The following KLC1 variants were observed in gnomAD, a reference collection of about 807,000 sequenced individuals.
KLC1 encodes kinesin light chain 1.
Under a neutral mutation model 84.2 loss-of-function variants are expected in KLC1, and 30 were observed. The observed-to-expected ratio is 0.36, with a 90% CI of 0.27 to 0.48. The LOEUF is 0.48. KLC1 is among the 20% of genes least tolerant of loss of function. The pLI is 0.99. For synonymous variants in KLC1, 289 were observed against 293.3 expected, an observed-to-expected ratio of 0.99 and a Z score of 0.15; for missense variants, 499 against 805.4, an observed-to-expected ratio of 0.62 and a Z score of 4.60.
chr14:103,634,544 A>G (rs2076914458), intron 1 of KLC1, among the ~76,000 whole-genome samples: 1 of 152,136 alleles, frequency 6.6e-6, no homozygotes, highest in East Asian at 1.9e-4. Context: ...AGACTGCATC[A>G]TATCGTTGAG....
chr14:103,637,478 C>T (rs186721012), intron 1 of KLC1, among the ~76,000 whole-genome samples: 9 of 151,290 alleles, frequency 5.9e-5, no homozygotes, highest in African/African-American at 9.7e-5. Context: ...TGCAGTGAGT[C>T]GAGATTGCGA....
At chr14:103,680,630 C>A (rs928833471) in intron 13 of KLC1, among the ~76,000 whole-genome samples, 1 of 152,224 alleles carries the variant, frequency 6.6e-6, no homozygotes, top group Non-Finnish European at 1.5e-5. Flanking sequence ...TGTGCCAAGA[C>A]AACCAATCAG....
intron 15 of KLC1, chr14:103,699,008 G>A (rs547969139): frequency 3.3e-5 from 53 of 1,588,334 alleles, no homozygotes; most frequent in African/African-American, 9.4e-5. Flanking sequence ...AAACACGTTC[G>A]TCCCAGAACC....
At chr14:103,651,552 G>A (rs1250079155) in intron 1 of KLC1, among the ~76,000 whole-genome samples, 1 of 152,160 alleles carries the variant, frequency 6.6e-6, no homozygotes, top group African/African-American at 2.4e-5. Context: ...AATGGTGAGA[G>A]GTATCGAGTC....
intron 5 of KLC1, 100 bp from the exon 6 acceptor site, chr14:103,669,402 CCAACCTGTG>C (rs2080186259): frequency 1.5e-6 from 1 of 652,980 alleles, no homozygotes; most frequent in Non-Finnish European, 2.6e-6. Context: ...CCACTGCACT[CCAACCTGTG>C]CAACAGAGTC....
intron 1 of KLC1, among the ~76,000 whole-genome samples, chr14:103,647,434 T>G (rs917124105): frequency 2.0e-5 from 3 of 152,044 alleles, no homozygotes; most frequent in African/African-American, 7.2e-5. Context: ...TTTGCCATGT[T>G]GACCAGGCTG....
intron 11 of KLC1, among the ~76,000 whole-genome samples, chr14:103,676,844 G>A (rs2080929708): frequency 6.6e-6 from 1 of 152,124 alleles, no homozygotes; most frequent in South Asian, 2.1e-4. Flanking sequence ...CAAGCTCAAT[G>A]ATACAGTTTG....
chr14:103,696,535 A>T, intron 15 of KLC1: 2 of 985,500 alleles, frequency 2.0e-6, no homozygotes, highest in Non-Finnish European at 2.4e-6. Flanking sequence ...GGAGGATGTC[A>T]TTAGCTTCTG....
intron 1 of KLC1, among the ~76,000 whole-genome samples, chr14:103,633,941 T>G (rs1218834941): frequency 6.6e-6 from 1 of 152,210 alleles, no homozygotes; most frequent in African/African-American, 2.4e-5. Flanking sequence ...TGATCTCAGC[T>G]CACTGCATCC....
At chr14:103,666,673 C>T (rs2151626268) in intron 5 of KLC1, among the ~76,000 whole-genome samples, 1 of 151,062 alleles carries the variant, frequency 6.6e-6, no homozygotes, top group South Asian at 2.1e-4. Flanking sequence ...TCTCAGCTCA[C>T]TGCAACCTCT....
chr14:103,630,206 A>G (rs540947211), intron 1 of KLC1, among the ~76,000 whole-genome samples: 85 of 152,354 alleles, frequency 5.6e-4, no homozygotes, highest in African/African-American at 2.0e-3. Context: ...TGCTTTTTCC[A>G]TGTAAAATTG....
intron 11 of KLC1, 151 bp from the exon 12 acceptor site, chr14:103,677,263 TA>T: frequency 1.6e-6 from 1 of 618,730 alleles, no homozygotes; most frequent in Non-Finnish European, 2.9e-6. Flanking sequence ...AAGAACGCTT[TA>T]CAATTTTACA....
intron 15 of KLC1, chr14:103,696,469 G>T: frequency 1.0e-6 from 1 of 984,408 alleles, no homozygotes; most frequent in Non-Finnish European, 1.2e-6. Flanking sequence ...TGCTAATGAT[G>T]TATCGTTACA....
At chr14:103,661,921 C>T (rs1567021897) in intron 3 of KLC1, among the ~76,000 whole-genome samples, 195 bp from the exon 4 acceptor site, 2 of 152,184 alleles carry the variant, frequency 1.3e-5, no homozygotes, top group Admixed American at 1.3e-4. Context: ...TATTTGTATT[C>T]TAGTCTAAAA....
chr14:103,699,311 G>A (rs1008315699), intron 15 of KLC1: 16 of 1,552,066 alleles, frequency 1.0e-5, no homozygotes, highest in South Asian at 2.3e-5. Context: ...CTCTGCTTCC[G>A]CATCCTGGCT....
chr14:103,693,462 C>T lies in KLC1; in HGVS notation c.1848+1037C>T. The T allele has an allele frequency of 2.6e-6, 4 of 1,521,956 alleles. No individual in the cohort carries two copies. Among genetic ancestry groups the T allele is most frequent in the Non-Finnish European group, 3.5e-6 (4 of 1,138,908 alleles). 94.3% of individuals were successfully genotyped at this position (1,521,956 alleles called of 1,614,324 possible). The stretch of plus-strand genomic sequence containing the variant: ...GAGTGCCAACCTAGATTTAGCTGTG[C>T]AGCTGGTACTGTTAGGCCTGAGGCC... On this transcript the variant is annotated intron_variant, in intron 15 of 16. Coordinates refer to ENST00000334553, the MANE Select transcript of KLC1 (RefSeq NM_001394837.1). This position sits in a 1 kb window ranked among gnomAD's most constrained non-coding sequence, Gnocchi z 5.1.
intron 15 of KLC1, chr14:103,699,124 T>A (rs1413852393): frequency 6.4e-7 from 1 of 1,573,292 alleles, no homozygotes; most frequent in South Asian, 1.2e-5. Flanking sequence ...ACCACATGGC[T>A]GCACTCACCC....
chr14:103,664,946 G>A (rs1212720006), intron 5 of KLC1, among the ~76,000 whole-genome samples: 10 of 151,298 alleles, frequency 6.6e-5, no homozygotes, highest in African/African-American at 2.4e-4. Flanking sequence ...GTTGTGCACA[G>A]CGTGCATGGG....
intron 13 of KLC1, chr14:103,685,253 A>G: frequency 7.2e-7 from 1 of 1,394,226 alleles, no homozygotes. Flanking sequence ...AGAGAATGAA[A>G]GTCATACCTG....
Sources: allele counts gnomAD v4.1 joint callset (sites outside exome capture counted in the v4.1 genomes callset), GRCh38; gene constraint gnomAD v4.1.1; non-coding constraint Gnocchi (gnomAD v3.1); transcripts MANE v1.5; gene names NCBI Gene and HGNC (gene_info 2026-07-23, HGNC 2026-07-21).